The following ASTN2 variants were observed in gnomAD, a reference collection of about 807,000 sequenced individuals.
ASTN2 encodes the protein astrotactin 2, also known as astrotactin-2.
ASTN2 carries 54 observed loss-of-function variants against 139.8 expected under a neutral mutation model. That is an observed-to-expected ratio of 0.39 (90% CI 0.31 to 0.48). The LOEUF (loss-of-function observed/expected upper bound fraction) is 0.48, where lower values mean the gene tolerates loss of function less well. Among genes scored for constraint, ASTN2 ranks in the 20% least tolerant of loss-of-function variants. The probability of loss-of-function intolerance (pLI) is 0.95; values close to 1 mark genes in which losing one functional copy is unlikely to be tolerated. For missense variants in ASTN2, 1,565 were observed against 1,725.1 expected (o/e 0.91, Z 1.64); for synonymous variants, 756 against 719.5 (o/e 1.05, Z -0.81).
intron 2 of ASTN2, among the ~76,000 whole-genome samples, chr9:117,225,734 TCA>T (rs1475889675): frequency 6.6e-6 from 1 of 151,204 alleles, no homozygotes; most frequent in Admixed American, 6.6e-5. Context: ...TCTGTGATGC[TCA>T]GTTTTCACAG....
chr9:117,166,061 T>C (rs1830663328), intron 3 of ASTN2, among the ~76,000 whole-genome samples: 1 of 152,058 alleles, frequency 6.6e-6, no homozygotes, highest in African/African-American at 2.4e-5. Context: ...TATTAGTAAT[T>C]ATATAAGACA....
At chr9:117,345,289 G>A (rs1361997761) in intron 1 of ASTN2, among the ~76,000 whole-genome samples, 1 of 152,088 alleles carries the variant, frequency 6.6e-6, no homozygotes, top group Non-Finnish European at 1.5e-5. Flanking sequence ...TAGGTCCTAG[G>A]CCTTCAGTAG....
At chr9:116,605,660 T>C (rs1350853495) in intron 19 of ASTN2, among the ~76,000 whole-genome samples, 11 of 152,032 alleles carry the variant, frequency 7.2e-5, no homozygotes, top group Admixed American at 5.9e-4. Flanking sequence ...GACAAAGAAG[T>C]GGGAAGCCTG....
intron 3 of ASTN2, among the ~76,000 whole-genome samples, chr9:117,146,564 G>C (rs1328080003): frequency 6.6e-6 from 1 of 151,936 alleles, no homozygotes. Context: ...AAGATGAGTG[G>C]GAAGAAGCAG....
At chr9:116,772,509 T>A (rs1195023639) in intron 13 of ASTN2, among the ~76,000 whole-genome samples, 1 of 152,178 alleles carries the variant, frequency 6.6e-6, no homozygotes, top group East Asian at 1.9e-4. Context: ...AATAGCAGCA[T>A]GAGAACAGAG....
intron 1 of ASTN2, among the ~76,000 whole-genome samples, chr9:117,317,313 A>G (rs1002854816): frequency 6.6e-6 from 1 of 152,152 alleles, no homozygotes; most frequent in South Asian, 2.1e-4. Flanking sequence ...TCAGCTCACC[A>G]TAAGTCCCAG....
intron 6 of ASTN2, 23 bp downstream of exon 6, chr9:117,039,796 C>T: frequency 6.2e-7 from 1 of 1,608,394 alleles, no homozygotes. Context: ...GGGTGTGGAG[C>T]ATCTGCAATG....
intron 10 of ASTN2, among the ~76,000 whole-genome samples, chr9:116,961,631 TG>T (rs1835877683): frequency 6.6e-6 from 1 of 152,218 alleles, no homozygotes; most frequent in South Asian, 2.1e-4. Context: ...TTAGCTATTG[TG>T]AAAAACACTG....
At chr9:117,336,993 T>C (rs1335446999) in intron 1 of ASTN2, among the ~76,000 whole-genome samples, 2 of 152,182 alleles carry the variant, frequency 1.3e-5, no homozygotes, top group Admixed American at 1.3e-4. Flanking sequence ...TCAGTTTGCA[T>C]GAATAAATAA....
chr9:117,208,913 C>T (rs1049909760), intron 3 of ASTN2, among the ~76,000 whole-genome samples: 1 of 152,150 alleles, frequency 6.6e-6, no homozygotes, highest in Non-Finnish European at 1.5e-5. Context: ...AAATCTGTTA[C>T]AGGCATATGG....
chr9:116,563,369 T>C (rs1335648050), intron 19 of ASTN2, among the ~76,000 whole-genome samples: 1 of 141,422 alleles, frequency 7.1e-6, no homozygotes, highest in East Asian at 2.1e-4. Flanking sequence ...AGCGAGACTC[T>C]GTCTCAAAAA....
At chr9:116,463,937 A>G (rs1250393248) in intron 20 of ASTN2, among the ~76,000 whole-genome samples, 3 of 134,900 alleles carry the variant, frequency 2.2e-5, no homozygotes, top group African/African-American at 8.0e-5. Context: ...TGAGAGAGAC[A>G]GGGTTTCATT....
rs1205370031 is a variant in ASTN2, at chr9:116,765,585, G to A, written c.2397-32062C>T. Among the ~76,000 whole-genome samples, 5 of 152,122 alleles carry A rather than the reference G, an allele frequency of 3.3e-5. No individual in the cohort carries two copies. In the East Asian group the frequency reaches 5.8e-4, roughly 18 times the overall value. ...GGATGCTTACTGCAACATAGTTTAC[G>A]ATAGTCAAAAGCTGGAAACAATCTA... is the stretch of plus-strand genomic sequence containing the variant. On this transcript the variant is annotated intron_variant, in intron 13 of 22. Transcript: ENST00000313400.
intron 19 of ASTN2, among the ~76,000 whole-genome samples, chr9:116,490,932 T>C (rs2119098934): frequency 6.6e-6 from 1 of 152,340 alleles, no homozygotes; most frequent in Middle Eastern, 3.4e-3. Flanking sequence ...AAAAGATGGC[T>C]GATATTCATT....
chr9:116,682,775 A>G (rs1235571872), intron 16 of ASTN2, among the ~76,000 whole-genome samples: 1 of 152,166 alleles, frequency 6.6e-6, no homozygotes, highest in Non-Finnish European at 1.5e-5. Flanking sequence ...CTATCGTAAG[A>G]ACAAAAAACC....
At chr9:117,064,623 G>A in intron 5 of ASTN2, among the ~76,000 whole-genome samples, 1 of 152,160 alleles carries the variant, frequency 6.6e-6, no homozygotes, top group East Asian at 1.9e-4. Context: ...GACATATAGA[G>A]TGGAATAATA....
At chr9:117,192,633 A>T (rs1157344910) in intron 3 of ASTN2, among the ~76,000 whole-genome samples, 1 of 152,194 alleles carries the variant, frequency 6.6e-6, no homozygotes, top group Non-Finnish European at 1.5e-5. Context: ...GAATACTTCC[A>T]AAGAGTAGTT....
intron 3 of ASTN2, among the ~76,000 whole-genome samples, chr9:117,206,499 G>A (rs1278191880): frequency 3.9e-5 from 6 of 152,094 alleles, no homozygotes; most frequent in Non-Finnish European, 7.4e-5. Context: ...CACCATGTGA[G>A]CCAAGTTGCT....
chr9:116,535,758 A>T (rs1221082945), intron 19 of ASTN2, among the ~76,000 whole-genome samples: 4 of 152,018 alleles, frequency 2.6e-5, no homozygotes, highest in Non-Finnish European at 4.4e-5. Flanking sequence ...TTTGTTGGTA[A>T]CCCGACCTTT....
Sources: gnomAD v4.1 joint callset for allele counts (sites outside exome capture counted in the v4.1 genomes callset) on GRCh38, gnomAD v4.1.1 for gene constraint, MANE v1.5 for transcripts, NCBI Gene and HGNC (gene_info 2026-07-23, HGNC 2026-07-21) for gene names.